BANK1: variants seen among roughly 807,000 people sequenced by gnomAD.
The protein encoded by BANK1 is B cell scaffold protein with ankyrin repeats 1.
In BANK1, 95 loss-of-function variants were observed where a neutral mutation model predicts 94.5. That is an observed-to-expected ratio of 1.00 (90% CI 0.85 to 1.19). BANK1 has a LOEUF of 1.19. BANK1 is among the 50% of genes most tolerant of loss of function. BANK1 has a pLI of 0.00. For missense variants in BANK1, 987 were observed against 932.2 expected (o/e 1.06, Z -0.77); for synonymous variants, 334 against 308.4 (o/e 1.08, Z -0.87).
chr4:102,052,265 G>A (rs1728078851), intron 11 of BANK1, among the ~76,000 whole-genome samples: 2 of 151,820 alleles, frequency 1.3e-5, no homozygotes, highest in Admixed American at 6.6e-5. Flanking sequence ...CTACAGGCGT[G>A]TGCTACCACG....
chr4:102,070,800 C>T (rs527799261), intron 13 of BANK1, among the ~76,000 whole-genome samples: 1 of 152,224 alleles, frequency 6.6e-6, no homozygotes, highest in East Asian at 1.9e-4. Flanking sequence ...TGAAGGTTGA[C>T]ATAAGGGAGA....
At chr4:102,003,510 C>T (rs971766777) in intron 7 of BANK1, among the ~76,000 whole-genome samples, 1 of 152,138 alleles carries the variant, frequency 6.6e-6, no homozygotes, top group East Asian at 1.9e-4. Flanking sequence ...TGTACCTTTT[C>T]CTGGACTACC....
chr4:101,796,246 A>C (rs900046425), intron 1 of BANK1, among the ~76,000 whole-genome samples: 1 of 152,082 alleles, frequency 6.6e-6, no homozygotes, highest in Non-Finnish European at 1.5e-5. Context: ...TGTTTTTCTG[A>C]TCTTATTTGC....
At chr4:101,971,172 T>A (rs772003293) in intron 7 of BANK1, among the ~76,000 whole-genome samples, 4 of 152,136 alleles carry the variant, frequency 2.6e-5, no homozygotes, top group Non-Finnish European at 5.9e-5. Context: ...GGGCAATAAA[T>A]AATGCTAAAG....
At chr4:101,810,912 A>G (rs186535751) in intron 1 of BANK1, among the ~76,000 whole-genome samples, 187 of 152,290 alleles carry the variant, frequency 1.2e-3, no homozygotes, top group African/African-American at 4.1e-3. Flanking sequence ...GATCATTATC[A>G]TCATTATTAC....
At position 101,810,770 on chromosome 4, in the gene BANK1, T is replaced by G. The variant is rs557004118; in HGVS notation, c.71-19038T>G. ...TTATCAGTGGTTCATTTTCCACAAG[T>G]GCCAAAGGGGATACAAAGAGCACAG... is the stretch of plus-strand genomic sequence containing the variant. On this transcript the variant is annotated intron_variant, in intron 1 of 16. Coordinates refer to ENST00000322953, the MANE Select transcript of BANK1 (RefSeq NM_017935.5). 2.6e-5 allele frequency among the ~76,000 whole-genome samples: 4 copies of G among 152,284 alleles called. No homozygotes were observed. In the East Asian group the frequency reaches 7.7e-4, roughly 29 times the overall value.
chr4:101,936,683 A>G (rs950433714), intron 7 of BANK1, among the ~76,000 whole-genome samples: 1 of 151,648 alleles, frequency 6.6e-6, no homozygotes, highest in African/African-American at 2.4e-5. Context: ...AAGAAGACAT[A>G]CAAATAACAG....
chr4:101,811,344 G>A (rs1490682278), intron 1 of BANK1, among the ~76,000 whole-genome samples: 1 of 152,000 alleles, frequency 6.6e-6, no homozygotes, highest in Non-Finnish European at 1.5e-5. Flanking sequence ...ATTTTTTTGA[G>A]ACCATTTTCT....
intron 7 of BANK1, among the ~76,000 whole-genome samples, chr4:101,996,399 T>C (rs546603523): frequency 1.3e-5 from 2 of 152,318 alleles, no homozygotes; most frequent in East Asian, 3.9e-4. Context: ...AGGATTGTCT[T>C]AGCTATATGG....
intron 3 of BANK1, among the ~76,000 whole-genome samples, chr4:101,857,804 T>A (rs1727731371): frequency 1.3e-5 from 2 of 152,262 alleles, no homozygotes; most frequent in African/African-American, 4.8e-5. Flanking sequence ...AGGTGAGTTT[T>A]AGTAGTTCCA....
chr4:101,884,690 AC>A (rs1263205553), intron 5 of BANK1, among the ~76,000 whole-genome samples: 3 of 152,042 alleles, frequency 2.0e-5, no homozygotes, highest in Non-Finnish European at 4.4e-5. Context: ...TTACATACTT[AC>A]TCTACAAATT....
At chr4:102,005,130 T>C (rs1726211078) in intron 7 of BANK1, among the ~76,000 whole-genome samples, 1 of 152,090 alleles carries the variant, frequency 6.6e-6, no homozygotes, top group African/African-American at 2.4e-5. Flanking sequence ...AATGCTAAAA[T>C]AGATGTTCAA....
At chr4:102,053,949 T>C (rs1728139338) in intron 11 of BANK1, among the ~76,000 whole-genome samples, 1 of 151,868 alleles carries the variant, frequency 6.6e-6, no homozygotes, top group Non-Finnish European at 1.5e-5. Flanking sequence ...TTCATATATA[T>C]GTATATATGT....
At chr4:102,031,041 T>A (rs1384869898) in intron 10 of BANK1, among the ~76,000 whole-genome samples, 2 of 152,232 alleles carry the variant, frequency 1.3e-5, no homozygotes, top group Non-Finnish European at 2.9e-5. Context: ...ATTGAACTAA[T>A]TTACACTCCC....
In BANK1 at chr4:101,937,097, C is replaced by G. The variant is rs78794167; in HGVS notation, c.1206+18908C>G. Among the ~76,000 whole-genome samples, 851 of 151,742 alleles carry G rather than the reference C, an allele frequency of 5.6e-3. 15 individuals carry two copies. The East Asian group carries it at 0.057, about 10-fold the overall frequency. ...GGATAAAGAAAATGGGGTATGTGTT[C>G]ACAGTGAAGTACTATTCAGCCATAA... On this transcript the variant is annotated intron_variant, in intron 7 of 16. Transcript: ENST00000322953.
intron 7 of BANK1, among the ~76,000 whole-genome samples, chr4:101,983,223 C>T (rs967318840): frequency 4.6e-5 from 7 of 151,996 alleles, no homozygotes; most frequent in African/African-American, 1.7e-4. Context: ...TTTTAAAATA[C>T]ACATTTATGA....
intron 7 of BANK1, among the ~76,000 whole-genome samples, chr4:101,964,355 A>G (rs2148920281): frequency 6.6e-6 from 1 of 152,186 alleles, no homozygotes; most frequent in African/African-American, 2.4e-5. Flanking sequence ...ACTTTGCCCT[A>G]AACATGCACC....
At chr4:101,805,848 G>A (rs1312724898) in intron 1 of BANK1, among the ~76,000 whole-genome samples, 1 of 151,554 alleles carries the variant, frequency 6.6e-6, no homozygotes, top group East Asian at 1.9e-4. Context: ...TAAAATTCAT[G>A]AAGCCTTTTA....
At chr4:101,934,026 G>A (rs765712356) in intron 7 of BANK1, among the ~76,000 whole-genome samples, 2 of 151,344 alleles carry the variant, frequency 1.3e-5, no homozygotes, top group South Asian at 2.1e-4. Flanking sequence ...CGTAAATATT[G>A]TGAACCCTGC....
Sources: allele counts gnomAD v4.1 joint callset (sites outside exome capture counted in the v4.1 genomes callset), GRCh38; gene constraint gnomAD v4.1.1; transcripts MANE v1.5; gene names NCBI Gene and HGNC (gene_info 2026-07-23, HGNC 2026-07-21).